Variants in ARRB2 observed in about 807,000 individuals in gnomAD.
ARRB2 encodes the protein beta-arrestin-2.
A neutral mutation model predicts 53.4 loss-of-function variants in ARRB2; 21 were observed. That is an observed-to-expected ratio of 0.39 (90% CI 0.28 to 0.57). The LOEUF is 0.57. Ranked by LOEUF, ARRB2 falls within the 20% of genes least tolerant of loss-of-function variation. The pLI is 0.55. For synonymous variants in ARRB2, 180 were observed against 212.9 expected (o/e 0.85, Z 1.34); for missense variants, 369 against 527.5 (o/e 0.70, Z 2.94).
chr17:4,715,568 G>GACACACACAC lies in ARRB2; in HGVS notation c.55-396_55-387dup, dbSNP rs112527658. 577 of 220,420 alleles carry GACACACACAC rather than the reference G, an allele frequency of 2.6e-3. 4 individuals are homozygous for GACACACACAC. Among genetic ancestry groups the GACACACACAC allele is most frequent in the African/African-American group, 0.013 (488 of 38,198 alleles). 13.7% of individuals were successfully genotyped at this position (220,420 alleles called of 1,614,324 possible). A position where few individuals can be genotyped will look rare whatever the true frequency, so the allele number is the denominator to read the frequency against. On this transcript the variant is annotated intron_variant, in intron 2 of 14. Coordinates refer to ENST00000269260, the MANE Select transcript of ARRB2 (RefSeq NM_004313.4). ...CTGAGGATGCAAACACACACACACG[G>GACACACACAC]ACACACACACACACACACGGACACA...
Position 4,716,586 on chromosome 17 carries a change from A to T in ARRB2, c.335A>T (p.His112Leu). Residue 112 changes from histidine to leucine, a missense_variant, in exon 5 of 15, where the codon CAT becomes CTT. His to Leu is a moderately conservative substitution (Grantham distance 99). Transcript: ENST00000269260. Reference sequence around the variant, plus strand: ...CGGCTGCTGAGGAAGCTGGGCCAGCATGCCCACCCCTTCTTCTTCACCGTG... The same window carrying T: ...CGGCTGCTGAGGAAGCTGGGCCAGCTTGCCCACCCCTTCTTCTTCACCGTG... ...QDRLLRKLGQ[H>L]AHPFFFTIPQ... 1 of 1,418,782 alleles carries T rather than the reference A, an allele frequency of 7.0e-7. No individual in the cohort carries two copies. Among genetic ancestry groups the T allele is most frequent in the African/African-American group, 1.5e-5 (1 of 66,864 alleles). 87.9% of individuals were successfully genotyped at this position (1,418,782 alleles called of 1,614,324 possible). A position where few individuals can be genotyped will look rare whatever the true frequency, so the allele number is the denominator to read the frequency against.
rs1915151032 is a variant in ARRB2 at position 4,717,087 on chromosome 17, G to A, written c.358-130G>A. 12 of 1,084,610 alleles carry A rather than the reference G, an allele frequency of 1.1e-5. No individual in the cohort carries two copies. The South Asian group carries it at 1.6e-4, about 14-fold the overall frequency. The allele number at this position is 1,084,610 out of a possible 1,614,324, so 67.2% of individuals were successfully genotyped here. A position where few individuals can be genotyped will look rare whatever the true frequency, so the allele number is the denominator to read the frequency against. Reference sequence around the variant, plus strand: ...GACCTCAGGTGATCCGCCCACCTTAGCCTTCCAAAGTGTTGGGATTACAGG... The same window carrying A: ...GACCTCAGGTGATCCGCCCACCTTAACCTTCCAAAGTGTTGGGATTACAGG... On this transcript the variant is annotated intron_variant, in intron 5 of 14. Coordinates refer to ENST00000269260, the MANE Select transcript of ARRB2 (RefSeq NM_004313.4). This position sits in a 1 kb window ranked among gnomAD's most constrained non-coding sequence, Gnocchi z 6.0.
At position 4,718,673 on chromosome 17, in the gene ARRB2, A is replaced by G. The variant is rs1915337590; in HGVS notation, c.768A>G (p.Gln256=). 1.2e-6 allele frequency: 2 copies of G among 1,613,588 alleles called. No individual in the cohort carries two copies. ...STAQYKCPVA[Q]LEQDDQVSPS... Reference sequence around the variant, plus strand: ...CCCAGTACAAGTGTCCTGTGGCTCAACTCGAACAAGAGTGAGTATCGGGAG... The same window carrying G: ...CCCAGTACAAGTGTCCTGTGGCTCAGCTCGAACAAGAGTGAGTATCGGGAG... Residue 256 remains glutamine, a synonymous_variant, in exon 10 of 15, where the codon CAA becomes CAG. Transcript: ENST00000269260.
Position 4,714,852 on chromosome 17 carries a change from C to T in ARRB2, c.24-161C>T, listed in dbSNP as rs190961568. On this transcript the variant is annotated intron_variant, in intron 1 of 14. Transcript: ENST00000269260. ...CACGTTAGAAATAGGAAGGACCTTCCGGGAAGAAGGGGAAAGGGGCAGAGC... is the reference window on the plus strand; with the variant it reads ...CACGTTAGAAATAGGAAGGACCTTCTGGGAAGAAGGGGAAAGGGGCAGAGC... The T allele has an allele frequency of 7.7e-4, 424 of 549,584 alleles. 3 individuals carry two copies. In the African/African-American group the frequency reaches 7.7e-3, roughly 10 times the overall value. 34.0% of individuals were successfully genotyped at this position (549,584 alleles called of 1,614,324 possible).
intron 1 of ARRB2, 131 bp downstream of exon 1, chr17:4,710,875 G>T (rs1914319923): frequency 2.5e-6 from 1 of 396,318 alleles, no homozygotes; most frequent in Admixed American, 4.4e-5. Flanking sequence ...CAGCCATCCG[G>T]GGCCGCACGC....
intron 3 of ARRB2, 31 bp from the exon 4 acceptor site, chr17:4,716,116 C>G: frequency 6.2e-7 from 1 of 1,614,184 alleles, no homozygotes; most frequent in East Asian, 2.2e-5. Flanking sequence ...GCGGCCCTTT[C>G]AGGAAGTGAG....
At position 4,720,481 on chromosome 17, in the gene ARRB2, A is replaced by G. The variant is rs1386172470; in HGVS notation, c.1081+9A>G. 1.2e-6 allele frequency: 2 copies of G among 1,606,044 alleles called. No individual in the cohort carries two copies. Among genetic ancestry groups the G allele is most frequent in the South Asian group, 1.1e-5 (1 of 90,616 alleles). On this transcript the variant is annotated intron_variant, in intron 13 of 14. Coordinates refer to ENST00000269260, the MANE Select transcript of ARRB2 (RefSeq NM_004313.4). ...CCCCAGACCCCAGTCAGGTGAGCAC[A>G]CTACCCACCCCAAGCCCTCAGAGGG...
chr17:4,713,616 GT>G (rs1430251746), intron 1 of ARRB2, among the ~76,000 whole-genome samples: 1 of 151,566 alleles, frequency 6.6e-6, no homozygotes, highest in African/African-American at 2.4e-5. Context: ...GGGCGACAGA[GT>G]GAGACTCCGT....
Position 4,717,072 on chromosome 17 carries a change from G to A in ARRB2, c.358-145G>A, listed in dbSNP as rs139976852. The stretch of plus-strand genomic sequence containing the variant: ...TGGTCTGGAACCCCTGACCTCAGGT[G>A]ATCCGCCCACCTTAGCCTTCCAAAG... On this transcript the variant is annotated intron_variant, in intron 5 of 14. Coordinates refer to ENST00000269260, the MANE Select transcript of ARRB2 (RefSeq NM_004313.4). This position sits in a 1 kb window ranked among gnomAD's most constrained non-coding sequence, Gnocchi z 6.0. 3.6e-4 allele frequency: 337 copies of A among 924,376 alleles called. 2 individuals carry two copies. In the East Asian group the frequency reaches 7.9e-3, roughly 22 times the overall value. 57.3% of individuals were successfully genotyped at this position (924,376 alleles called of 1,614,324 possible).
chr17:4,718,690 T>G lies in ARRB2; in HGVS notation c.779+6T>G. 6.2e-7 allele frequency: 1 copy of G among 1,612,532 alleles called. No homozygotes were observed. Among genetic ancestry groups the G allele is most frequent in the Non-Finnish European group, 8.5e-7 (1 of 1,179,416 alleles). Reference sequence around the variant, plus strand: ...GTGGCTCAACTCGAACAAGAGTGAGTATCGGGAGAGACCCATGTTCCAATC... The same window carrying G: ...GTGGCTCAACTCGAACAAGAGTGAGGATCGGGAGAGACCCATGTTCCAATC... On this transcript the variant is annotated splice_donor_region_variant and intron_variant, in intron 10 of 14. Transcript: ENST00000269260.
Position 4,716,524 on chromosome 17 carries a change from GC to G in ARRB2, c.276del (p.Asn93ThrfsTer14). ...CCACCTACCAGGCCTTCCCCCCGGT[GC>G]CCAACCCACCCCGGCCCCCCACCCG... ...IATYQAFPPV[P>X]NPPRPPTRLQ... On this transcript the variant is annotated frameshift_variant, in exon 5 of 15. Coordinates refer to ENST00000269260, the MANE Select transcript of ARRB2 (RefSeq NM_004313.4). LOFTEE classifies it high-confidence loss of function. 1 of 1,599,216 alleles carries G rather than the reference GC, an allele frequency of 6.3e-7. No homozygotes were observed. Among genetic ancestry groups the G allele is most frequent in the Non-Finnish European group, 8.5e-7 (1 of 1,173,122 alleles).
At position 4,710,664 on chromosome 17, in the gene ARRB2, A is replaced by C. The variant is rs892025250; in HGVS notation, c.-58A>C. 9.3e-4 allele frequency: 370 copies of C among 398,328 alleles called. 4 individuals are homozygous for C. In the East Asian group the frequency reaches 0.013, roughly 14 times the overall value. 24.7% of individuals were successfully genotyped at this position (398,328 alleles called of 1,614,324 possible). A position where few individuals can be genotyped will look rare whatever the true frequency, so the allele number is the denominator to read the frequency against. On this transcript the variant is annotated 5_prime_UTR_variant, in exon 1 of 15. Transcript: ENST00000269260. ...CGCGGGGAGGAGCAGGGATCTTGGC[A>C]GCGGGCGAGGAGGCTGCGAGCGAGC...
intron 9 of ARRB2, 32 bp downstream of exon 9, chr17:4,718,377 G>A: frequency 6.3e-7 from 1 of 1,587,844 alleles, no homozygotes; most frequent in East Asian, 2.3e-5. Context: ...GGGGTCTTCG[G>A]GGAGGGCGTT....
At chr17:4,716,250 C>T in intron 4 of ARRB2, 59 bp downstream of exon 4, 1 of 1,612,054 alleles carries the variant, frequency 6.2e-7, no homozygotes, top group South Asian at 1.1e-5. Context: ...GTGAAATGGG[C>T]TGGCCTTGGA....
chr17:4,715,767 T>C, intron 2 of ARRB2: 1 of 594,368 alleles, frequency 1.7e-6, no homozygotes, highest in Non-Finnish European at 3.0e-6. Flanking sequence ...TGTGCAGAGA[T>C]AAAGGAGCAG....
In ARRB2 at chr17:4,721,406, C is replaced by A; in HGVS notation, c.*367C>A. On this transcript the variant is annotated 3_prime_UTR_variant, in exon 15 of 15. Coordinates refer to ENST00000269260, the MANE Select transcript of ARRB2 (RefSeq NM_004313.4). The surrounding 1 kb of genome is among the most constrained non-coding windows in gnomAD (Gnocchi z 4.2). ...CCAACACCTCCCATTATCACTCTCTCTGCCCCCATTCCTTCAAGAGGAGAC... is the reference window on the plus strand; with the variant it reads ...CCAACACCTCCCATTATCACTCTCTATGCCCCCATTCCTTCAAGAGGAGAC... 1 of 424,224 alleles carries A rather than the reference C, an allele frequency of 2.4e-6. No homozygotes were observed. Among genetic ancestry groups the A allele is most frequent in the South Asian group, 8.5e-5 (1 of 11,778 alleles). The allele number at this position is 424,224 out of a possible 1,614,324, so 26.3% of individuals were successfully genotyped here. A position where few individuals can be genotyped will look rare whatever the true frequency, so the allele number is the denominator to read the frequency against.
At chr17:4,720,765 C>G (rs1308103508) in intron 14 of ARRB2, 125 bp downstream of exon 14, 6 of 1,094,216 alleles carry the variant, frequency 5.5e-6, no homozygotes, top group Non-Finnish European at 7.9e-6. Context: ...AATCAAGATG[C>G]CTTAGCCTTG....
At chr17:4,715,568 G>GACACACAC (rs112527658) in intron 2 of ARRB2, 5,942 of 220,340 alleles carry the variant, frequency 0.027, 213 homozygotes, top group African/African-American at 0.1. Flanking sequence ...CACACACACG[G>GACACACAC]ACACACACAC....
At position 4,718,595 on chromosome 17, in the gene ARRB2, C is replaced by T. The variant is rs752157513; in HGVS notation, c.707-17C>T. Reference sequence around the variant, plus strand: ...TGTGCTCCATCCAGAGCTGCCTGACCCCGTCCCACCCCACAGTGAGACAGT... The same window carrying T: ...TGTGCTCCATCCAGAGCTGCCTGACTCCGTCCCACCCCACAGTGAGACAGT... On this transcript the variant is annotated splice_polypyrimidine_tract_variant and intron_variant, in intron 9 of 14. Transcript: ENST00000269260. 1.9e-6 allele frequency: 3 copies of T among 1,611,724 alleles called. No homozygotes were observed. The South Asian group carries it at 3.3e-5, about 18-fold the overall frequency.
Sources: gnomAD v4.1 joint callset for allele counts (sites outside exome capture counted in the v4.1 genomes callset) on GRCh38, gnomAD v4.1.1 for gene constraint, Gnocchi (gnomAD v3.1) non-coding constraint, MANE v1.5 for transcripts, NCBI Gene and HGNC (gene_info 2026-07-23, HGNC 2026-07-21) for gene names.